CNOT10: variants seen among roughly 807,000 people sequenced by gnomAD.
The protein encoded by CNOT10 is CCR4-NOT transcription complex subunit 10.
In CNOT10, 30 loss-of-function variants were observed where a neutral mutation model predicts 94.6. The observed-to-expected ratio is 0.32, with a 90% CI of 0.24 to 0.43. The LOEUF (loss-of-function observed/expected upper bound fraction) is 0.43, where lower values mean the gene tolerates loss of function less well. CNOT10 is among the 20% of genes least tolerant of loss of function. CNOT10 has a pLI of 1.00. For missense variants in CNOT10, 759 were observed against 877.2 expected (o/e 0.87, Z 1.70); for synonymous variants, 289 against 301.6 (o/e 0.96, Z 0.43).
intron 16 of CNOT10, 91 bp from the exon 17 acceptor site, chr3:32,764,591 T>C: frequency 1.2e-6 from 2 of 1,601,708 alleles, no homozygotes; most frequent in African/African-American, 1.3e-5. Context: ...GGAATACTGC[T>C]GTGCCAAGTG....
At position 32,764,665 on chromosome 3, in the gene CNOT10, A is replaced by G. The variant is rs761049365; in HGVS notation, c.1877-17A>G. On this transcript the variant is annotated splice_polypyrimidine_tract_variant and intron_variant, in intron 16 of 18. Transcript: ENST00000328834. ...TGGCACGGCCTCTTCACCAGTGTCT[A>G]CACTCTTTTTCCCCAGCTGGTAAGC... 1 of 1,613,264 alleles carries G rather than the reference A, an allele frequency of 6.2e-7. No homozygotes were observed. The highest frequency in any genetic ancestry group is 1.3e-5 in the African/African-American group (1 of 74,860).
rs542146331 is a variant in CNOT10, at chr3:32,724,844, C to T, written c.863-606C>T. ...AAAGTGCTGGGATTACAGGCATGAG[C>T]CATCGTACCCAGCCTCACTCTGTTC... On this transcript the variant is annotated intron_variant, in intron 8 of 18. Coordinates refer to ENST00000328834, the MANE Select transcript of CNOT10 (RefSeq NM_015442.3). 5.4e-4 allele frequency among the ~76,000 whole-genome samples: 81 copies of T among 150,360 alleles called. No individual in the cohort carries two copies. In the East Asian group the frequency reaches 5.7e-3, roughly 11 times the overall value.
At position 32,754,086 on chromosome 3, in the gene CNOT10, G is replaced by C. The variant is rs148980724; in HGVS notation, c.1596-5372G>C. 8.9e-3 allele frequency among the ~76,000 whole-genome samples: 1,344 copies of C among 150,378 alleles called. 7 individuals carry two copies. Among genetic ancestry groups the C allele is most frequent in the Non-Finnish European group, 0.015 (1,037 of 67,550 alleles). On this transcript the variant is annotated intron_variant, in intron 13 of 18. Coordinates refer to ENST00000328834, the MANE Select transcript of CNOT10 (RefSeq NM_015442.3). ...TTGCACTCCAGCCTGGGCAACAAGA[G>C]CAAAAAACTCTGTCTCAAAAAAAAG...
intron 10 of CNOT10, among the ~76,000 whole-genome samples, chr3:32,733,073 T>C (rs1305191478): frequency 6.6e-6 from 1 of 152,160 alleles, no homozygotes; most frequent in Non-Finnish European, 1.5e-5. Context: ...GGCTCTCTTA[T>C]TTTCCTTACT....
intron 13 of CNOT10, among the ~76,000 whole-genome samples, chr3:32,748,699 G>A (rs1048504793): frequency 3.3e-5 from 5 of 151,678 alleles, no homozygotes; most frequent in African/African-American, 4.8e-5. Context: ...TTGTAGAGAC[G>A]GTGTTTCACC....
intron 13 of CNOT10, chr3:32,754,024 C>CA (rs1490725092): frequency 3.0e-5 from 15 of 499,380 alleles, no homozygotes; most frequent in Non-Finnish European, 5.2e-5. Flanking sequence ...TGCTTGAACC[C>CA]AGGAGGCGGA....
intron 1 of CNOT10, chr3:32,695,645 A>G (rs1482651336): frequency 2.9e-5 from 45 of 1,536,084 alleles, no homozygotes; most frequent in Non-Finnish European, 3.7e-5. Context: ...ATTGGTGTAA[A>G]GACTGTCAAG....
intron 10 of CNOT10, among the ~76,000 whole-genome samples, chr3:32,731,939 T>G (rs921519853): frequency 2.6e-5 from 4 of 151,284 alleles, no homozygotes; most frequent in African/African-American, 4.9e-5. Flanking sequence ...TTAGCCAGGT[T>G]GTTGTGGCAC....
intron 15 of CNOT10, 60 bp from the exon 16 acceptor site, chr3:32,764,395 A>C: frequency 6.4e-7 from 1 of 1,560,380 alleles, no homozygotes; most frequent in Non-Finnish European, 8.7e-7. Flanking sequence ...GCCCGAGGAG[A>C]AAAGAAAGAA....
intron 1 of CNOT10, 74 bp downstream of exon 1, chr3:32,685,556 C>A: frequency 6.6e-7 from 1 of 1,513,438 alleles, no homozygotes; most frequent in Non-Finnish European, 9.0e-7. Context: ...TCGGAGGCGG[C>A]GGGGCCCGGG....
Position 32,704,985 on chromosome 3 carries a change from T to TATA in CNOT10, c.279+13_279+14insATA. 6.9e-7 allele frequency: 1 copy of TATA among 1,456,482 alleles called. No homozygotes were observed. The highest frequency in any genetic ancestry group is 9.1e-7 in the Non-Finnish European group (1 of 1,095,316). The allele number at this position is 1,456,482 out of a possible 1,614,324, so 90.2% of individuals were successfully genotyped here. Reference sequence around the variant, plus strand: ...GCTGAAGAATCAGGTGATACATAAATGAATTTAACTATAAAAAATATTGTT... The same window carrying TATA: ...GCTGAAGAATCAGGTGATACATAAATATAGAATTTAACTATAAAAAATATTGTT... On this transcript the variant is annotated intron_variant, in intron 3 of 18. Coordinates refer to ENST00000328834, the MANE Select transcript of CNOT10 (RefSeq NM_015442.3).
At chr3:32,720,070 C>G (rs192970241) in intron 7 of CNOT10, 44 bp from the exon 8 acceptor site, 1 of 944,404 alleles carries the variant, frequency 1.1e-6, no homozygotes, top group African/African-American at 1.6e-5. Context: ...TTACATTAGG[C>G]GTCTGAAAAC....
At position 32,766,608 on chromosome 3, in the gene CNOT10, G is replaced by A. The variant is rs111677997; in HGVS notation, c.2004+1799G>A. 2.0e-3 allele frequency among the ~76,000 whole-genome samples: 264 copies of A among 135,208 alleles called. 18 individuals are homozygous for A. Among genetic ancestry groups the A allele is most frequent in the African/African-American group, 7.0e-3 (251 of 36,102 alleles). 88.7% of individuals were successfully genotyped at this position (135,208 alleles called of 152,430 possible). The stretch of plus-strand genomic sequence containing the variant: ...AGATCGCGCCACTGCACTCCAGCCC[G>A]GGCAACAGAGCGGGACTCTGTCTCA... On this transcript the variant is annotated intron_variant, in intron 17 of 18. Transcript: ENST00000328834.
intron 13 of CNOT10, chr3:32,753,175 C>G: frequency 1.5e-6 from 1 of 645,336 alleles, no homozygotes; most frequent in South Asian, 1.5e-5. Flanking sequence ...CATGTGAATA[C>G]TATGAAAAAA....
chr3:32,733,607 T>A lies in CNOT10; in HGVS notation c.1337+63T>A, dbSNP rs1005048620. 1.0e-5 allele frequency: 11 copies of A among 1,102,728 alleles called. 1 individual carries two copies. In the South Asian group the frequency reaches 2.0e-4, roughly 20 times the overall value. The allele number at this position is 1,102,728 out of a possible 1,614,324, so 68.3% of individuals were successfully genotyped here. A position where few individuals can be genotyped will look rare whatever the true frequency, so the allele number is the denominator to read the frequency against. ...ATACTAGTTTACATAATGTTACTTA[T>A]ATATAAAAGTATGATTAGGATTTAT... On this transcript the variant is annotated intron_variant, in intron 11 of 18. Coordinates refer to ENST00000328834, the MANE Select transcript of CNOT10 (RefSeq NM_015442.3).
chr3:32,725,228 G>GT (rs1216580116), intron 8 of CNOT10, among the ~76,000 whole-genome samples: 5 of 152,016 alleles, frequency 3.3e-5, no homozygotes, highest in African/African-American at 7.2e-5. Flanking sequence ...AATAGGACTG[G>GT]TTTTTTTAAA....
intron 1 of CNOT10, among the ~76,000 whole-genome samples, chr3:32,695,087 A>G (rs1696990940): frequency 6.6e-6 from 1 of 152,176 alleles, no homozygotes; most frequent in African/African-American, 2.4e-5. Context: ...AGGATGCTCA[A>G]TTCTGTAACA....
Position 32,685,277 on chromosome 3 carries a change from C to G in CNOT10, c.-184C>G. ...TGGGGAAGCTGTTGCTGTTGCTAGA[C>G]GACGGGAACTAGCTCTCGTCACTTC... On this transcript the variant is annotated 5_prime_UTR_variant, in exon 1 of 19. Transcript: ENST00000328834. 1 of 590,162 alleles carries G rather than the reference C, an allele frequency of 1.7e-6. No homozygotes were observed. The highest frequency in any genetic ancestry group is 3.0e-6 in the Non-Finnish European group (1 of 334,736). The allele number at this position is 590,162 out of a possible 1,614,324, so 36.6% of individuals were successfully genotyped here.
At chr3:32,713,591 C>T (rs1226673878) in intron 5 of CNOT10, among the ~76,000 whole-genome samples, 4 of 152,070 alleles carry the variant, frequency 2.6e-5, no homozygotes, top group Non-Finnish European at 5.9e-5. Flanking sequence ...ACCATTACTA[C>T]TATCTAATTT....
Sources: allele counts gnomAD v4.1 joint callset (sites outside exome capture counted in the v4.1 genomes callset), GRCh38; gene constraint gnomAD v4.1.1; transcripts MANE v1.5; gene names NCBI Gene and HGNC (gene_info 2026-07-23, HGNC 2026-07-21).